CPNE4: variants seen among roughly 807,000 people sequenced by gnomAD.
The protein encoded by CPNE4 is copine-4.
Under a neutral mutation model 67.9 loss-of-function variants are expected in CPNE4, and 25 were observed. That is an observed-to-expected ratio of 0.37 (90% confidence interval 0.27 to 0.51). The LOEUF is 0.51. CPNE4 is among the 20% of genes least tolerant of loss of function. CPNE4 has a pLI of 0.93. For missense variants in CPNE4, 464 were observed against 690.8 expected (o/e 0.67, Z 3.68); for synonymous variants, 242 against 244.9 (o/e 0.99, Z 0.11).
intron 2 of CPNE4, among the ~76,000 whole-genome samples, chr3:131,860,816 C>T (rs1203853175): frequency 1.3e-5 from 2 of 152,158 alleles, no homozygotes; most frequent in Admixed American, 6.5e-5. Flanking sequence ...AGTTTTAGTA[C>T]ACAGAAGATA....
intron 5 of CPNE4, among the ~76,000 whole-genome samples, chr3:131,696,090 A>G (rs1158247117): frequency 6.6e-6 from 1 of 151,188 alleles, no homozygotes; most frequent in Non-Finnish European, 1.5e-5. Context: ...AGAGTGAACC[A>G]GTGAATGCAT....
intron 1 of CPNE4, among the ~76,000 whole-genome samples, chr3:131,946,753 T>C (rs1329374583): frequency 1.3e-5 from 2 of 152,212 alleles, no homozygotes; most frequent in Non-Finnish European, 2.9e-5. Context: ...TTTGTTTACT[T>C]TGTTTAGTTC....
intron 3 of CPNE4, among the ~76,000 whole-genome samples, chr3:131,709,257 T>A (rs2081500478): frequency 6.6e-6 from 1 of 152,004 alleles, no homozygotes; most frequent in Non-Finnish European, 1.5e-5. Context: ...CTACAAATAA[T>A]GCAATGGAGG....
chr3:131,708,733 T>C (rs946799967), intron 3 of CPNE4, among the ~76,000 whole-genome samples: 1 of 151,402 alleles, frequency 6.6e-6, no homozygotes, highest in Admixed American at 6.6e-5. Flanking sequence ...GGCTGTATCC[T>C]TGTTTTTGTG....
intron 1 of CPNE4, among the ~76,000 whole-genome samples, chr3:131,967,746 C>T (rs2126147): frequency 2.0e-5 from 3 of 151,876 alleles, no homozygotes. Flanking sequence ...GCTCATAGAC[C>T]GGAAAAATCA....
intron 2 of CPNE4, among the ~76,000 whole-genome samples, chr3:131,896,467 C>T (rs1036675924): frequency 3.9e-5 from 6 of 152,004 alleles, no homozygotes; most frequent in African/African-American, 1.4e-4. Context: ...AATTGAAGTG[C>T]AAACAATGTA....
At chr3:131,708,748 T>C (rs1471469250) in intron 3 of CPNE4, among the ~76,000 whole-genome samples, 2 of 149,030 alleles carry the variant, frequency 1.3e-5, no homozygotes, top group African/African-American at 5.0e-5. Context: ...TTTGTGGTGA[T>C]AGAAGCTTCA....
chr3:132,032,098 A>G (rs2074248228), intron 1 of CPNE4, among the ~76,000 whole-genome samples: 1 of 152,198 alleles, frequency 6.6e-6, no homozygotes. Flanking sequence ...AATTCACCAA[A>G]ATGTCATGTT....
At chr3:131,564,175 A>C in intron 11 of CPNE4, 41 bp downstream of exon 11, 1 of 1,611,510 alleles carries the variant, frequency 6.2e-7, no homozygotes, top group Non-Finnish European at 8.5e-7. Flanking sequence ...CTGAACCCAC[A>C]TGAGAGATGA....
chr3:131,963,467 T>G (rs908690879), intron 1 of CPNE4, among the ~76,000 whole-genome samples: 1 of 151,902 alleles, frequency 6.6e-6, no homozygotes, highest in African/African-American at 2.4e-5. Context: ...GTCCCACAGA[T>G]CCCAGAAAAC....
chr3:131,769,529 T>C (rs1002779165), intron 2 of CPNE4, among the ~76,000 whole-genome samples: 1 of 152,118 alleles, frequency 6.6e-6, no homozygotes, highest in Non-Finnish European at 1.5e-5. Context: ...AAAAAATGAT[T>C]ACCTGACACT....
At chr3:131,548,631 G>A (rs920594076) in intron 14 of CPNE4, among the ~76,000 whole-genome samples, 4 of 152,176 alleles carry the variant, frequency 2.6e-5, no homozygotes, top group East Asian at 1.9e-4. Context: ...AAGTGAAAAG[G>A]CCTCAAGGTG....
chr3:131,818,404 TG>T (rs2084831421), intron 2 of CPNE4, among the ~76,000 whole-genome samples: 4 of 152,202 alleles, frequency 2.6e-5, no homozygotes, highest in African/African-American at 9.6e-5. Flanking sequence ...CACTAATAGG[TG>T]TGAATTTTTG....
intron 2 of CPNE4, among the ~76,000 whole-genome samples, chr3:131,904,036 A>G (rs2088650744): frequency 6.6e-6 from 1 of 152,116 alleles, no homozygotes; most frequent in Non-Finnish European, 1.5e-5. Context: ...ATCTCTTAAC[A>G]ACGTGGGGGC....
At chr3:131,872,195 TAGA>T (rs2087244348) in intron 2 of CPNE4, among the ~76,000 whole-genome samples, 1 of 150,470 alleles carries the variant, frequency 6.6e-6, no homozygotes, top group South Asian at 2.1e-4. Context: ...TGTGTGTGTG[TAGA>T]GAGAGAGAGA....
At chr3:131,880,592 T>G (rs1161596457) in intron 2 of CPNE4, among the ~76,000 whole-genome samples, 3 of 152,198 alleles carry the variant, frequency 2.0e-5, no homozygotes, top group Non-Finnish European at 4.4e-5. Flanking sequence ...TTGTGAAAAC[T>G]CATGCCCTGT....
At chr3:131,672,022 A>T (rs758500762) in intron 6 of CPNE4, among the ~76,000 whole-genome samples, 1 of 151,988 alleles carries the variant, frequency 6.6e-6, no homozygotes, top group Non-Finnish European at 1.5e-5. Context: ...CCATGAGTTC[A>T]GTTGTTTTTA....
intron 9 of CPNE4, among the ~76,000 whole-genome samples, chr3:131,580,399 CAT>C (rs1265826047): frequency 4.8e-5 from 1 of 20,848 alleles, no homozygotes; most frequent in African/African-American, 7.7e-5. Context: ...TATACATATA[CAT>C]ATACATATAC....
chr3:131,905,418 T>C lies in CPNE4; in HGVS notation c.26A>G (p.Glu9Gly), dbSNP rs769035478. MKKMSNIYESAANTLGIFN... is the reference protein window; with the variant it reads MKKMSNIYGSAANTLGIFN... Reference sequence around the variant, plus strand: ...GATTCCCAGTGTGTTGGCAGCGGACTCATAAATGTTGCTCATCTTCTTCAT... The same window carrying C: ...GATTCCCAGTGTGTTGGCAGCGGACCCATAAATGTTGCTCATCTTCTTCAT... The change falls in exon 2 of 16, where the codon GAG becomes GGG. Residue 9 changes from glutamate (E) to glycine (G), a missense_variant. Around this residue, in one of 6 missense-constraint regions of CPNE4, gnomAD observed 170 missense variants for 203.3 expected, o/e 0.84. Coordinates refer to ENST00000429747, the MANE Select transcript of CPNE4 (RefSeq NM_130808.3). 6.2e-7 allele frequency: 1 copy of C among 1,612,890 alleles called. No homozygotes were observed.
Sources: allele counts gnomAD v4.1 joint callset (sites outside exome capture counted in the v4.1 genomes callset), GRCh38; gene constraint gnomAD v4.1.1; regional missense constraint gnomAD v4.1.1; transcripts MANE v1.5; gene names NCBI Gene and HGNC (gene_info 2026-07-23, HGNC 2026-07-21).